LRRTM1: variants seen among roughly 807,000 people sequenced by gnomAD.
The protein encoded by LRRTM1 is leucine rich repeat transmembrane neuronal 1, also known as leucine-rich repeat transmembrane neuronal protein 1.
LRRTM1 carries 8 observed loss-of-function variants against 37.3 expected under a neutral mutation model. The ratio of observed to expected loss-of-function variants is 0.21; its 90% confidence interval spans 0.13 to 0.39. The LOEUF (loss-of-function observed/expected upper bound fraction) is 0.39, where lower values mean the gene tolerates loss of function less well. LRRTM1 is among the 10% of genes least tolerant of loss of function. The pLI, the probability that LRRTM1 is intolerant of heterozygous loss-of-function variation, is 1.00. For synonymous variants in LRRTM1, 326 were observed against 316.8 expected, an observed-to-expected ratio of 1.03 and a Z score of -0.31; for missense variants, 557 against 691.0, an observed-to-expected ratio of 0.81 and a Z score of 2.17.
downstream of LRRTM1, among the ~76,000 whole-genome samples, chr2:80,300,508 A>G (rs1676185851): frequency 6.6e-6 from 1 of 152,136 alleles, no homozygotes; most frequent in Admixed American, 6.6e-5. Flanking sequence ...TCTGCATTTC[A>G]AAAAGCTGAT....
In LRRTM1 at chr2:80,303,511, G is replaced by C. The variant is rs138746641; in HGVS notation, c.309C>G (p.Ser103=). The change falls in exon 2 of 2, where the codon TCC becomes TCG. Residue 103 remains serine (S), a synonymous_variant. Transcript: ENST00000295057. The surrounding 1 kb of genome is among the most constrained non-coding windows in gnomAD (Gnocchi z 7.7). ...WLYLDHNHIC[S]VQGDAFQKLR... ...GTTTCTGAAAGGCGTCCCCCTGCAC[G>C]GAGCAGATGTGATTGTGATCCAGAT... is the stretch of plus-strand genomic sequence containing the variant. The C allele has an allele frequency of 8.1e-6, 13 of 1,614,122 alleles. No homozygotes were observed. Among genetic ancestry groups the C allele is most frequent in the African/African-American group, 6.7e-5 (5 of 74,942 alleles).
chr2:80,297,974 G>GT (rs1558979376), downstream of LRRTM1, among the ~76,000 whole-genome samples: 171 of 151,206 alleles, frequency 1.1e-3, 1 homozygote, highest in East Asian at 7.6e-3. Flanking sequence ...CGCGTGTATG[G>GT]GTGTGTGTGT....
At chr2:80,300,945 C>T (rs1381235547), downstream of LRRTM1, among the ~76,000 whole-genome samples, 3 of 149,220 alleles carry the variant, frequency 2.0e-5, no homozygotes, top group Non-Finnish European at 4.4e-5. Context: ...TCACTCTCAA[C>T]ACAGAAAAAA....
rs201998587 is a variant in LRRTM1, at chr2:80,303,080, A to G, written c.740T>C (p.Ile247Thr). 53 of 1,613,802 alleles carry G rather than the reference A, an allele frequency of 3.3e-5. No individual in the cohort carries two copies. The highest frequency in any genetic ancestry group is 1.7e-4 in the Admixed American group (10 of 59,970). Residue 247 changes from isoleucine (I) to threonine (T), a missense_variant, in exon 2 of 2, where the codon ATT becomes ACT. By Grantham distance (89) the Ile-to-Thr change is moderately conservative. This residue lies in a region of LRRTM1 where 200 missense variants were observed against 249.9 expected (regional missense o/e 0.80). Transcript: ENST00000295057. The surrounding 1 kb of genome is among the most constrained non-coding windows in gnomAD (Gnocchi z 7.7). ...SLCLRRNKVA[I>T]VVSSLDWVWN... ...AACCCAGTCCAGCGAGCTGACCACAATGGCCACCTTGTTCCTCCGCAGGCA... is the reference window on the plus strand; with the variant it reads ...AACCCAGTCCAGCGAGCTGACCACAGTGGCCACCTTGTTCCTCCGCAGGCA...
chr2:80,300,464 C>A (rs1398060109), downstream of LRRTM1, among the ~76,000 whole-genome samples: 5 of 152,064 alleles, frequency 3.3e-5, no homozygotes, highest in Non-Finnish European at 7.4e-5. Flanking sequence ...CTACCACCAA[C>A]CCTTAGCTTA....
At chr2:80,297,591 G>A (rs758007171), downstream of LRRTM1, among the ~76,000 whole-genome samples, 1 of 152,142 alleles carries the variant, frequency 6.6e-6, no homozygotes, top group Non-Finnish European at 1.5e-5. Context: ...CCAGGAGATG[G>A]TGCCCAATCA....
downstream of LRRTM1, among the ~76,000 whole-genome samples, chr2:80,300,281 G>GGGGGGTGT (rs1353283390): frequency 1.1e-5 from 1 of 93,108 alleles, no homozygotes; most frequent in Non-Finnish European, 2.2e-5. Flanking sequence ...GGGGTGTTGG[G>GGGGGGTGT]GTGTGTGTGT....
In LRRTM1 at chr2:80,303,637, G is replaced by A; in HGVS notation, c.183C>T (p.Pro61=). ...YCEALNLTEA[P]HNLSGLLGLS... The stretch of plus-strand genomic sequence containing the variant: ...AGCCCAGCAGGCCGGACAGGTTGTG[G>A]GGCGCCTCGGTGAGGTTGAGCGCCT... The change falls in exon 2 of 2, where the codon CCC becomes CCT. Residue 61 remains proline (P), a synonymous_variant. Transcript: ENST00000295057. This position sits in a 1 kb window ranked among gnomAD's most constrained non-coding sequence, Gnocchi z 7.7. 1 of 1,613,684 alleles carries A rather than the reference G, an allele frequency of 6.2e-7. No individual in the cohort carries two copies. Among genetic ancestry groups the A allele is most frequent in the South Asian group, 1.1e-5 (1 of 91,058 alleles).
At position 80,302,042 on chromosome 2, in the gene LRRTM1, G is replaced by T; in HGVS notation, c.*209C>A. ...AAGATAGACTGTCCTGAAGGTTGTG[G>T]GGTGGGGTTTTTTGTTGTGTTTTAA... On this transcript the variant is annotated 3_prime_UTR_variant, in exon 2 of 2. Coordinates refer to ENST00000295057, the MANE Select transcript of LRRTM1 (RefSeq NM_178839.5). The surrounding 1 kb of genome is among the most constrained non-coding windows in gnomAD (Gnocchi z 6.4). The T allele has an allele frequency of 1.7e-6, 1 of 591,964 alleles. No individual in the cohort carries two copies. The highest frequency in any genetic ancestry group is 2.9e-6 in the Non-Finnish European group (1 of 350,114). The allele number at this position is 591,964 out of a possible 1,614,324, so 36.7% of individuals were successfully genotyped here.
At chr2:80,289,771 G>A (rs150953663) in intron 2 of LRRTM1, among the ~76,000 whole-genome samples, 25 of 152,300 alleles carry the variant, frequency 1.6e-4, no homozygotes, top group African/African-American at 6.0e-4. Flanking sequence ...ACTTGGGTCA[G>A]ACTGTGTTAT....
At chr2:80,297,605 G>A (rs1675860474), downstream of LRRTM1, among the ~76,000 whole-genome samples, 1 of 152,166 alleles carries the variant, frequency 6.6e-6, no homozygotes, top group South Asian at 2.1e-4. Flanking sequence ...CCAATCAGAA[G>A]TAAGAATTTT....
chr2:80,292,196 A>G (rs1180017696), intron 2 of LRRTM1, among the ~76,000 whole-genome samples: 2 of 152,166 alleles, frequency 1.3e-5, no homozygotes, highest in African/African-American at 2.4e-5. Flanking sequence ...TACTTGCCAC[A>G]TGCCAGACAC....
chr2:80,295,048 T>C lies in LRRTM1; in HGVS notation c.*307-5853A>G, dbSNP rs886831595. 6.3e-4 allele frequency among the ~76,000 whole-genome samples: 96 copies of C among 152,080 alleles called. 1 individual carries two copies. Among genetic ancestry groups the C allele is most frequent in the African/African-American group, 2.2e-3 (93 of 41,410 alleles). Reference sequence around the variant, plus strand: ...TTTTCTTTTTTCTTTCTGTTTTGTTTTGTTCTCTCTTCTCCTCTCATCTCC... The same window carrying C: ...TTTTCTTTTTTCTTTCTGTTTTGTTCTGTTCTCTCTTCTCCTCTCATCTCC... On this transcript the variant is annotated intron_variant and NMD_transcript_variant, in intron 2 of 2. Transcript: ENST00000417012.
At chr2:80,296,487 A>G (rs1675753946) in intron 2 of LRRTM1, among the ~76,000 whole-genome samples, 1 of 152,204 alleles carries the variant, frequency 6.6e-6, no homozygotes, top group African/African-American at 2.4e-5. Flanking sequence ...TTCTTTGAGA[A>G]GCATGTGTTA....
chr2:80,293,737 T>C (rs140698025), intron 2 of LRRTM1, among the ~76,000 whole-genome samples: 24 of 152,328 alleles, frequency 1.6e-4, no homozygotes, highest in African/African-American at 5.8e-4. Context: ...CTAGGATTTA[T>C]GTTTACATTC....
chr2:80,296,233 C>T (rs1015994743), intron 2 of LRRTM1, among the ~76,000 whole-genome samples: 9 of 152,144 alleles, frequency 5.9e-5, no homozygotes, highest in African/African-American at 2.2e-4. Context: ...ATCACCACCT[C>T]ACATACATTA....
At position 80,302,423 on chromosome 2, in the gene LRRTM1, G is replaced by T; in HGVS notation, c.1397C>A (p.Thr466Lys). The T allele has an allele frequency of 6.2e-7, 1 of 1,614,224 alleles. No homozygotes were observed. The highest frequency in any genetic ancestry group is 8.5e-7 in the Non-Finnish European group (1 of 1,180,040). The change falls in exon 2 of 2, where the codon ACG becomes AAG. Residue 466 changes from threonine (T) to lysine (K), a missense_variant. Around this residue, in one of 5 missense-constraint regions of LRRTM1, gnomAD observed 90 missense variants for 149.4 expected, o/e 0.60. Transcript: ENST00000295057. This position sits in a 1 kb window ranked among gnomAD's most constrained non-coding sequence, Gnocchi z 6.4. ...SLRQLRQCFV[T>K]QRRKQKQKQT... The stretch of plus-strand genomic sequence containing the variant: ...TTTCTGCTTTTGCTTCCTGCGCTGC[G>T]TGACAAAGCACTGTCTGAGCTGCCT...
chr2:80,295,365 C>T (rs576631592), intron 2 of LRRTM1, among the ~76,000 whole-genome samples: 1 of 152,212 alleles, frequency 6.6e-6, no homozygotes, highest in African/African-American at 2.4e-5. Flanking sequence ...ATTCTCCCAC[C>T]CATACATGCC....
chr2:80,300,626 C>A (rs1486224738), downstream of LRRTM1, among the ~76,000 whole-genome samples: 5 of 150,974 alleles, frequency 3.3e-5, no homozygotes, highest in South Asian at 2.1e-4. Flanking sequence ...TTCTCTCTCT[C>A]AAAAAAAAGG....
Sources: allele counts gnomAD v4.1 joint callset (sites outside exome capture counted in the v4.1 genomes callset), GRCh38; gene constraint gnomAD v4.1.1; regional missense constraint gnomAD v4.1.1; non-coding constraint Gnocchi (gnomAD v3.1); transcripts MANE v1.5; gene names NCBI Gene and HGNC (gene_info 2026-07-23, HGNC 2026-07-21).